Variants in WAC observed in about 807,000 individuals in gnomAD.
The protein encoded by WAC is WW domain containing adaptor with coiled-coil.
WAC carries 11 observed loss-of-function variants against 79.6 expected under a neutral mutation model. The observed-to-expected ratio is 0.14, with a 90% CI of 0.09 to 0.23. The LOEUF (loss-of-function observed/expected upper bound fraction) is 0.23, where lower values mean the gene tolerates loss of function less well. WAC is among the 10% of genes least tolerant of loss of function. WAC has a pLI of 1.00. For missense variants in WAC, 728 were observed against 773.5 expected (o/e 0.94, Z 0.70); for synonymous variants, 304 against 276.9 (o/e 1.10, Z -0.97).
Position 28,617,857 on chromosome 10 carries a change from A to G in WAC, c.1874+73A>G, listed in dbSNP as rs916878079. ...TCTTAAATCGAACTAAAGAATGTAAATCACATTTTATTTATGAAATGTAAA... is the reference window on the plus strand; with the variant it reads ...TCTTAAATCGAACTAAAGAATGTAAGTCACATTTTATTTATGAAATGTAAA... On this transcript the variant is annotated intron_variant, in intron 13 of 13. Coordinates refer to ENST00000354911, the MANE Select transcript of WAC (RefSeq NM_016628.5). 3 of 1,446,540 alleles carry G rather than the reference A, an allele frequency of 2.1e-6. No homozygotes were observed. In the African/African-American group the frequency reaches 4.4e-5, roughly 21 times the overall value. 89.6% of individuals were successfully genotyped at this position (1,446,540 alleles called of 1,614,324 possible). A position where few individuals can be genotyped will look rare whatever the true frequency, so the allele number is the denominator to read the frequency against.
At chr10:28,596,653 A>G (rs993474936) in intron 7 of WAC, among the ~76,000 whole-genome samples, 1 of 152,260 alleles carries the variant, frequency 6.6e-6, no homozygotes, top group Non-Finnish European at 1.5e-5. Flanking sequence ...GGTGTGACAC[A>G]ACATAAGCAG....
intron 3 of WAC, among the ~76,000 whole-genome samples, chr10:28,570,571 A>T (rs551918984): frequency 2.6e-5 from 4 of 152,306 alleles, no homozygotes; most frequent in South Asian, 2.1e-4. Context: ...TTGGACTTTC[A>T]TTCATGCATT....
intron 5 of WAC, among the ~76,000 whole-genome samples, chr10:28,590,451 C>G (rs1322023137): frequency 2.0e-5 from 3 of 152,062 alleles, no homozygotes; most frequent in Admixed American, 6.5e-5. Context: ...TTTAATAAGG[C>G]CGTAATGTTT....
At chr10:28,536,804 A>G (rs1836704017) in intron 3 of WAC, among the ~76,000 whole-genome samples, 1 of 152,200 alleles carries the variant, frequency 6.6e-6, no homozygotes, top group African/African-American at 2.4e-5. Flanking sequence ...GAACAAAGCA[A>G]TTTCAGTAAA....
intron 3 of WAC, among the ~76,000 whole-genome samples, chr10:28,566,224 A>G (rs181888166): frequency 8.3e-4 from 126 of 152,282 alleles, no homozygotes; most frequent in Non-Finnish European, 1.4e-3. Flanking sequence ...TAAATGTTCA[A>G]TAAATTAAAT....
intron 3 of WAC, among the ~76,000 whole-genome samples, chr10:28,550,275 A>ACCCAGTC (rs1396058567): frequency 6.7e-6 from 1 of 148,372 alleles, no homozygotes; most frequent in Non-Finnish European, 1.5e-5. Context: ...AAAAGCACTT[A>ACCCAGTC]CCCAGTCCTA....
chr10:28,587,960 A>G (rs1454858947), intron 4 of WAC, among the ~76,000 whole-genome samples: 2 of 152,108 alleles, frequency 1.3e-5, no homozygotes, highest in Non-Finnish European at 2.9e-5. Flanking sequence ...TCTGTGAAAG[A>G]AACAGTATGT....
At chr10:28,595,049 A>C (rs1297482380) in intron 6 of WAC, among the ~76,000 whole-genome samples, 1 of 152,214 alleles carries the variant, frequency 6.6e-6, no homozygotes, top group Admixed American at 6.5e-5. Flanking sequence ...TGTTCTGACT[A>C]TGCTGCGGGT....
chr10:28,611,294 C>T (rs1841227176), intron 9 of WAC: 1 of 1,292,394 alleles, frequency 7.7e-7, no homozygotes. Context: ...GAGAGAGATA[C>T]ACATAGGAGC....
At chr10:28,544,003 CA>C (rs1837207824) in intron 3 of WAC, among the ~76,000 whole-genome samples, 1 of 152,184 alleles carries the variant, frequency 6.6e-6, no homozygotes, top group Admixed American at 6.5e-5. Context: ...ATTTTCCCGC[CA>C]CCCAAATAGC....
chr10:28,610,708 C>T lies in WAC; in HGVS notation c.1175C>T (p.Ala392Val). 6.2e-7 allele frequency: 1 copy of T among 1,607,660 alleles called. No individual in the cohort carries two copies. The highest frequency in any genetic ancestry group is 1.7e-5 in the Admixed American group (1 of 58,870). Reference protein sequence around the residue: ...DISKINEVLTAAVTQASLQSI... With the variant: ...DISKINEVLTVAVTQASLQSI... ...AATAATATGTTTTTAGTTCTTACAG[C>T]AGCTGTGACACAAGCCTCACTGCAG... The change falls in exon 9 of 14, where the codon GCA becomes GTA. Residue 392 changes from alanine to valine, a missense_variant. Ala to Val is a moderately conservative substitution (Grantham distance 64). Coordinates refer to ENST00000354911, the MANE Select transcript of WAC (RefSeq NM_016628.5).
chr10:28,595,817 A>G lies in WAC; in HGVS notation c.695A>G (p.Tyr232Cys), dbSNP rs1479908220. The part of the protein sequence containing the change: ...SQTSRHNDRD[Y>C]RLPRAETHSS... ...ACAAGCAGACACAATGACAGAGACT[A>G]CAGACTGCCAAGAGCAGAGACTCAC... The change falls in exon 7 of 14, where the codon TAC becomes TGC. Residue 232 changes from tyrosine to cysteine, a missense_variant. This residue lies in a region of WAC where 648 missense variants were observed against 661.5 expected (regional missense o/e 0.98). Coordinates refer to ENST00000354911, the MANE Select transcript of WAC (RefSeq NM_016628.5). The G allele has an allele frequency of 1.2e-6, 2 of 1,614,144 alleles. No individual in the cohort carries two copies. The highest frequency in any genetic ancestry group is 1.7e-5 in the Admixed American group (1 of 60,016).
chr10:28,581,238 CTTTTTTTTT>C (rs71391053), intron 3 of WAC, among the ~76,000 whole-genome samples: 795 of 66,130 alleles, frequency 0.012, 12 homozygotes, highest in African/African-American at 0.042. Flanking sequence ...ATGAGCGATT[CTTTTTTTTT>C]TTTTTTTTTT....
chr10:28,543,224 G>C (rs1055808961), intron 3 of WAC, among the ~76,000 whole-genome samples: 1 of 152,162 alleles, frequency 6.6e-6, no homozygotes, highest in African/African-American at 2.4e-5. Flanking sequence ...TTCTATAGCA[G>C]CACCGTCCAG....
intron 6 of WAC, among the ~76,000 whole-genome samples, chr10:28,593,308 G>C (rs1284799465): frequency 1.3e-5 from 2 of 152,152 alleles, no homozygotes; most frequent in Admixed American, 6.6e-5. Context: ...TGTTTGTGTA[G>C]AGTATGGCTT....
At chr10:28,611,623 T>A in intron 9 of WAC, 151 bp from the exon 10 acceptor site, 2 of 1,241,856 alleles carry the variant, frequency 1.6e-6, no homozygotes, top group Non-Finnish European at 1.1e-6. Context: ...AAGGTCAGAT[T>A]CTGATTTATT....
intron 3 of WAC, among the ~76,000 whole-genome samples, chr10:28,565,352 G>A (rs1039165687): frequency 1.3e-5 from 2 of 152,046 alleles, no homozygotes; most frequent in African/African-American, 4.8e-5. Context: ...AATTCATATG[G>A]TAGGTTAGCT....
rs527708482 is a variant in WAC at position 28,534,459 on chromosome 10, T to A, written c.78+425T>A. ...GGTAAATAGCTAAATGACTTACAACTTTCAAGTCGGTTATAAAGTACTACC... is the reference window on the plus strand; with the variant it reads ...GGTAAATAGCTAAATGACTTACAACATTCAAGTCGGTTATAAAGTACTACC... On this transcript the variant is annotated intron_variant, in intron 2 of 13. Transcript: ENST00000354911. 6.1e-4 allele frequency: 101 copies of A among 166,642 alleles called. 2 individuals carry two copies. Among genetic ancestry groups the A allele is most frequent in the Non-Finnish European group, 1.9e-4 (15 of 77,738 alleles). The allele number at this position is 166,642 out of a possible 1,614,324, so 10.3% of individuals were successfully genotyped here.
chr10:28,588,136 A>G (rs549665929), intron 4 of WAC, among the ~76,000 whole-genome samples: 28 of 152,300 alleles, frequency 1.8e-4, no homozygotes, highest in African/African-American at 6.3e-4. Context: ...CCACTTGGCA[A>G]GCAAACCAAG....
Sources: allele counts gnomAD v4.1 joint callset (sites outside exome capture counted in the v4.1 genomes callset), GRCh38; gene constraint gnomAD v4.1.1; regional missense constraint gnomAD v4.1.1; transcripts MANE v1.5; gene names NCBI Gene and HGNC (gene_info 2026-07-23, HGNC 2026-07-21).